The following PRKG1 variants were observed in gnomAD, a reference collection of about 807,000 sequenced individuals.
The protein encoded by PRKG1 is cGMP-dependent protein kinase 1.
Under a neutral mutation model 88.1 loss-of-function variants are expected in PRKG1, and 35 were observed. The ratio of observed to expected loss-of-function variants is 0.40; its 90% CI spans 0.30 to 0.53. PRKG1 has a LOEUF of 0.53. Ranked by LOEUF, PRKG1 falls within the 20% of genes least tolerant of loss-of-function variation. The probability of loss-of-function intolerance (pLI) is 0.59; values close to 1 mark genes in which losing one functional copy is unlikely to be tolerated. For synonymous variants in PRKG1, 303 were observed against 292.5 expected, an observed-to-expected ratio of 1.04 and a Z score of -0.37; for missense variants, 540 against 839.8, an observed-to-expected ratio of 0.64 and a Z score of 4.41.
intron 2 of PRKG1, among the ~76,000 whole-genome samples, chr10:51,290,092 C>G (rs1211377776): frequency 6.6e-6 from 1 of 152,062 alleles, no homozygotes. Context: ...TCATTATCAA[C>G]TTTGAGGAAA....
At chr10:51,402,118 A>G (rs1837756526) in intron 2 of PRKG1, among the ~76,000 whole-genome samples, 1 of 152,212 alleles carries the variant, frequency 6.6e-6, no homozygotes, top group South Asian at 2.1e-4. Context: ...ACTAGTACTG[A>G]TATATTCATT....
In PRKG1 at chr10:51,479,333, T is replaced by C. The variant is rs1186963382; in HGVS notation, c.592+11497T>C. ...ACCCCACTCCCATAAAAGAATACTT[T>C]GACATTTTGGCCTTCATTCTTTCTC... is the stretch of plus-strand genomic sequence containing the variant. On this transcript the variant is annotated intron_variant, in intron 3 of 17. Coordinates refer to ENST00000373980, the MANE Select transcript of PRKG1 (RefSeq NM_006258.4). 2.0e-5 allele frequency among the ~76,000 whole-genome samples: 3 copies of C among 152,106 alleles called. No homozygotes were observed. In the East Asian group the frequency reaches 5.8e-4, roughly 29 times the overall value.
intron 5 of PRKG1, among the ~76,000 whole-genome samples, chr10:51,928,845 C>T (rs1403904516): frequency 6.6e-6 from 1 of 152,124 alleles, no homozygotes; most frequent in Non-Finnish European, 1.5e-5. Flanking sequence ...GAGACACAGC[C>T]TTCGCAATTA....
At chr10:51,386,554 A>G (rs1837253553) in intron 2 of PRKG1, among the ~76,000 whole-genome samples, 1 of 152,200 alleles carries the variant, frequency 6.6e-6, no homozygotes, top group Admixed American at 6.5e-5. Flanking sequence ...GCAGTCAAGC[A>G]GGAGGAATTT....
rs920559535 is a variant in PRKG1, at chr10:51,959,714, C to A, written c.762+52144C>A. ...AGGTAAAATTTGTTGGGCTCAGTGA[C>A]TGATGAAATGTCAGAGGTGAAGGAG... On this transcript the variant is annotated intron_variant, in intron 5 of 17. Coordinates refer to ENST00000373980, the MANE Select transcript of PRKG1 (RefSeq NM_006258.4). 2.6e-5 allele frequency among the ~76,000 whole-genome samples: 4 copies of A among 152,032 alleles called. No homozygotes were observed. In the East Asian group the frequency reaches 7.7e-4, roughly 29 times the overall value.
chr10:51,866,814 A>G (rs1841025794), intron 4 of PRKG1, among the ~76,000 whole-genome samples: 3 of 152,162 alleles, frequency 2.0e-5, no homozygotes, highest in African/African-American at 7.2e-5. Flanking sequence ...TGTTCCTGAA[A>G]ACTTTCTTTA....
intron 5 of PRKG1, among the ~76,000 whole-genome samples, chr10:52,025,467 A>G (rs2133200055): frequency 6.6e-6 from 1 of 152,230 alleles, no homozygotes; most frequent in Non-Finnish European, 1.5e-5. Context: ...TAGGTCTAAC[A>G]TTTAAGTCTT....
At chr10:51,047,814 G>T (rs749966111) in intron 1 of PRKG1, among the ~76,000 whole-genome samples, 13 of 152,064 alleles carry the variant, frequency 8.5e-5, no homozygotes, top group Admixed American at 3.9e-4. Flanking sequence ...GATATACCAA[G>T]AAGGTCAAGA....
intron 5 of PRKG1, among the ~76,000 whole-genome samples, chr10:51,943,020 T>C (rs1842944764): frequency 2.0e-5 from 3 of 152,130 alleles, no homozygotes; most frequent in Admixed American, 2.0e-4. Context: ...GGGGATGGCA[T>C]TGAATCTATA....
intron 7 of PRKG1, among the ~76,000 whole-genome samples, chr10:52,129,844 A>G (rs1186138013): frequency 6.6e-6 from 1 of 152,178 alleles, no homozygotes; most frequent in Non-Finnish European, 1.5e-5. Flanking sequence ...TGGACAGTGA[A>G]TACTTACTGC....
chr10:51,803,991 G>A (rs754920990), intron 3 of PRKG1, among the ~76,000 whole-genome samples: 3 of 152,118 alleles, frequency 2.0e-5, no homozygotes, highest in Non-Finnish European at 2.9e-5. Context: ...TGGTGCATAA[G>A]AGAATAAATT....
chr10:52,019,116 G>A (rs1845117213), intron 5 of PRKG1, among the ~76,000 whole-genome samples: 1 of 152,118 alleles, frequency 6.6e-6, no homozygotes, highest in Non-Finnish European at 1.5e-5. Context: ...GGAGGTACCA[G>A]GCTCTATATA....
chr10:51,940,283 T>TTCTACTGATAATCAGCCC (rs1436614841), intron 5 of PRKG1, among the ~76,000 whole-genome samples: 1 of 151,852 alleles, frequency 6.6e-6, no homozygotes, highest in Non-Finnish European at 1.5e-5. Context: ...GGGATCAGCT[T>TTCTACTGATAATCAGCCC]TCTACTGATA....
rs59396422 is a variant in PRKG1 at position 52,128,552 on chromosome 10, G to A, written c.936-5288G>A. On this transcript the variant is annotated intron_variant, in intron 7 of 17. Coordinates refer to ENST00000373980, the MANE Select transcript of PRKG1 (RefSeq NM_006258.4). ...TCAAAGAATATCAGAGTCAGTGCAC[G>A]GAAACCTATATTTGCAAATATTTTG... The A allele has an allele frequency of 5.2e-3, 5,101 of 985,334 alleles. 143 individuals are homozygous for A. The African/African-American group carries it at 0.062, about 12-fold the overall frequency. 61.0% of individuals were successfully genotyped at this position (985,334 alleles called of 1,614,324 possible). A position where few individuals can be genotyped will look rare whatever the true frequency, so the allele number is the denominator to read the frequency against.
intron 8 of PRKG1, among the ~76,000 whole-genome samples, chr10:52,139,076 G>A (rs888775452): frequency 1.2e-4 from 18 of 152,048 alleles, no homozygotes; most frequent in African/African-American, 4.3e-4. Context: ...TTAAAACTGG[G>A]TATGTTTTAA....
Position 51,620,983 on chromosome 10 carries a change from A to ATGTGTG in PRKG1, c.592+153159_592+153164dup, listed in dbSNP as rs1314158540. ...TATGTTAAACTGATTCCGTATATGT[A>ATGTGTG]TGTGTGTGTGTGTGTGTATATGTGT... On this transcript the variant is annotated intron_variant, in intron 3 of 17. Coordinates refer to ENST00000373980, the MANE Select transcript of PRKG1 (RefSeq NM_006258.4). Among the ~76,000 whole-genome samples, 519 of 116,682 alleles carry ATGTGTG rather than the reference A, an allele frequency of 4.4e-3. 4 individuals are homozygous for ATGTGTG. Among genetic ancestry groups the ATGTGTG allele is most frequent in the Middle Eastern group, 0.01 (2 of 200 alleles). The allele number at this position is 116,682 out of a possible 152,430, so 76.5% of individuals were successfully genotyped here. A position where few individuals can be genotyped will look rare whatever the true frequency, so the allele number is the denominator to read the frequency against.
chr10:51,804,751 A>G (rs1170650291), intron 4 of PRKG1, 61 bp downstream of exon 4: 47 of 1,171,992 alleles, frequency 4.0e-5, no homozygotes, highest in Non-Finnish European at 5.8e-5. Flanking sequence ...TATTATCTGA[A>G]ATGCAGCACC....
chr10:52,260,296 T>C (rs1841403582), intron 10 of PRKG1, among the ~76,000 whole-genome samples: 1 of 152,156 alleles, frequency 6.6e-6, no homozygotes, highest in Non-Finnish European at 1.5e-5. Context: ...TAAGATCTGA[T>C]TATAAGCCAT....
intron 2 of PRKG1, among the ~76,000 whole-genome samples, chr10:51,428,541 G>T (rs1429229581): frequency 6.6e-6 from 1 of 152,144 alleles, no homozygotes; most frequent in Non-Finnish European, 1.5e-5. Context: ...CTGGAAATTG[G>T]CCATAGGCAT....
Sources: allele counts gnomAD v4.1 joint callset (sites outside exome capture counted in the v4.1 genomes callset), GRCh38; gene constraint gnomAD v4.1.1; transcripts MANE v1.5; gene names NCBI Gene and HGNC (gene_info 2026-07-23, HGNC 2026-07-21).